Variants in LRFN2 observed in about 807,000 individuals in gnomAD.
The protein encoded by LRFN2 is leucine rich repeat and fibronectin type III domain containing 2.
Under a neutral mutation model 37.3 loss-of-function variants are expected in LRFN2, and 18 were observed. The observed-to-expected ratio is 0.48, with a 90% CI of 0.33 to 0.72. LRFN2 has a LOEUF of 0.72. Ranked by LOEUF, LRFN2 falls within the 30% of genes least tolerant of loss-of-function variation. The pLI, the probability that LRFN2 is intolerant of heterozygous loss-of-function variation, is 0.02. For synonymous variants in LRFN2, 556 were observed against 466.6 expected, an observed-to-expected ratio of 1.19 and a Z score of -2.47; for missense variants, 1,006 against 1,060.7, an observed-to-expected ratio of 0.95 and a Z score of 0.72.
intron 1 of LRFN2, among the ~76,000 whole-genome samples, chr6:40,562,569 T>G (rs1767018634): frequency 6.6e-6 from 1 of 152,076 alleles, no homozygotes; most frequent in South Asian, 2.1e-4. Context: ...GATCCTGCAG[T>G]TCCATCCAGA....
At chr6:40,570,824 T>C (rs1416229464) in intron 1 of LRFN2, among the ~76,000 whole-genome samples, 1 of 152,228 alleles carries the variant, frequency 6.6e-6, no homozygotes, top group Non-Finnish European at 1.5e-5. Flanking sequence ...TCTTTTCTAG[T>C]AAATGTTCAT....
At chr6:40,567,093 G>A (rs1369059426) in intron 1 of LRFN2, among the ~76,000 whole-genome samples, 1 of 152,010 alleles carries the variant, frequency 6.6e-6, no homozygotes, top group Admixed American at 6.5e-5. Flanking sequence ...AAAGAGAGGA[G>A]AAGACACTTG....
In LRFN2 at chr6:40,392,212, G is replaced by A. The variant is rs561379877; in HGVS notation, c.2101C>T (p.Pro701Ser). The A allele has an allele frequency of 3.8e-6, 6 of 1,569,320 alleles. No individual in the cohort carries two copies. The African/African-American group carries it at 4.1e-5, about 11-fold the overall frequency. Residue 701 changes from proline (P) to serine (S), a missense_variant, in exon 3 of 3, where the codon CCC becomes TCC. By Grantham distance (74) the Pro-to-Ser change is moderately conservative. Transcript: ENST00000338305. This position sits in a 1 kb window ranked among gnomAD's most constrained non-coding sequence, Gnocchi z 4.7. ...AGGCTCCTGGCCCGGGCCGCAGGGG[G>A]CCCCAGCAGTGGCTCTCGGTCCGAG... Reference protein sequence around the residue: ...HHSDREPLLGPPAARARSLLP... With the variant: ...HHSDREPLLGSPAARARSLLP...
At chr6:40,486,823 T>A (rs1254417446) in intron 1 of LRFN2, among the ~76,000 whole-genome samples, 1 of 152,162 alleles carries the variant, frequency 6.6e-6, no homozygotes, top group African/African-American at 2.4e-5. Context: ...AAGTGTAAGA[T>A]AATGTATTTA....
chr6:40,394,955 T>A (rs1181405669), intron 2 of LRFN2, among the ~76,000 whole-genome samples: 1 of 3,008 alleles, frequency 3.3e-4, no homozygotes, highest in South Asian at 8.1e-3. Flanking sequence ...TTTCTTTTCC[T>A]TTTTTTTTTT....
At position 40,577,094 on chromosome 6, in the gene LRFN2, T is replaced by TC. The variant is rs1197846301; in HGVS notation, c.-19+9846_-19+9847insG. On this transcript the variant is annotated intron_variant, in intron 1 of 2. Transcript: ENST00000338305. The stretch of plus-strand genomic sequence containing the variant: ...CCAAGGCCCATTTTCTTTTCTTTTC[T>TC]TTTCTTTTCCTTTCTTTTCTTTTTA... Among the ~76,000 whole-genome samples the TC allele has an allele frequency of 7.8e-4, 37 of 47,448 alleles. 2 individuals carry two copies. The highest frequency in any genetic ancestry group is 1.1e-3 in the African/African-American group (11 of 9,860). 31.1% of individuals were successfully genotyped at this position (47,448 alleles called of 152,430 possible).
At chr6:40,518,297 G>T (rs1765942463) in intron 1 of LRFN2, among the ~76,000 whole-genome samples, 1 of 152,144 alleles carries the variant, frequency 6.6e-6, no homozygotes, top group Admixed American at 6.5e-5. Context: ...TCCAGCTGGT[G>T]ACCAATAAAT....
At chr6:40,428,465 G>A (rs1405547364) in intron 2 of LRFN2, among the ~76,000 whole-genome samples, 1 of 152,076 alleles carries the variant, frequency 6.6e-6, no homozygotes, top group Non-Finnish European at 1.5e-5. Flanking sequence ...TGTGCCCACT[G>A]GTGTCCATGC....
intron 2 of LRFN2, among the ~76,000 whole-genome samples, chr6:40,419,546 G>A (rs1006866157): frequency 6.6e-6 from 1 of 152,158 alleles, no homozygotes; most frequent in African/African-American, 2.4e-5. Flanking sequence ...TATGACTAAG[G>A]AAATTCAATA....
At chr6:40,483,965 T>C (rs773295646) in intron 1 of LRFN2, among the ~76,000 whole-genome samples, 2 of 152,218 alleles carry the variant, frequency 1.3e-5, no homozygotes, top group African/African-American at 4.8e-5. Context: ...TAGCCGCCTC[T>C]GTCCCCTCTC....
At chr6:40,512,627 T>C (rs2487373) in intron 1 of LRFN2, among the ~76,000 whole-genome samples, 52,573 of 152,020 alleles carry the variant, frequency 0.35, 9,753 homozygotes, top group East Asian at 0.49. Context: ...TTGGCAGATG[T>C]GTACTCAGCC....
chr6:40,440,102 C>T (rs1013269432), intron 1 of LRFN2, among the ~76,000 whole-genome samples: 2 of 151,624 alleles, frequency 1.3e-5, no homozygotes, highest in Admixed American at 6.6e-5. Context: ...CCGATAAAAA[C>T]AGCAGTCTTT....
At chr6:40,412,207 A>T (rs1002537067) in intron 2 of LRFN2, among the ~76,000 whole-genome samples, 7 of 152,070 alleles carry the variant, frequency 4.6e-5, no homozygotes, top group Non-Finnish European at 8.8e-5. Flanking sequence ...TATCCTAGGG[A>T]GGGGTCCTGA....
At chr6:40,420,932 G>C (rs1763214213) in intron 2 of LRFN2, among the ~76,000 whole-genome samples, 1 of 152,198 alleles carries the variant, frequency 6.6e-6, no homozygotes. Flanking sequence ...TGGGCAATGA[G>C]GCCCACCCCT....
At chr6:40,553,001 A>C (rs781064926) in intron 1 of LRFN2, among the ~76,000 whole-genome samples, 57 of 152,214 alleles carry the variant, frequency 3.7e-4, no homozygotes, top group Non-Finnish European at 7.3e-4. Flanking sequence ...ACACTTTCTG[A>C]AATTTGCACT....
intron 1 of LRFN2, among the ~76,000 whole-genome samples, chr6:40,530,191 C>T (rs1431488558): frequency 1.3e-5 from 2 of 152,190 alleles, no homozygotes; most frequent in Non-Finnish European, 2.9e-5. Context: ...TACAGGCCTG[C>T]TCGGGGAAAC....
chr6:40,453,960 C>T (rs1764178915), intron 1 of LRFN2, among the ~76,000 whole-genome samples: 1 of 152,126 alleles, frequency 6.6e-6, no homozygotes, highest in African/African-American at 2.4e-5. Flanking sequence ...CCCTCCAGTC[C>T]CTGTGTGGTT....
chr6:40,484,754 C>T (rs1254147285), intron 1 of LRFN2, among the ~76,000 whole-genome samples: 9 of 152,318 alleles, frequency 5.9e-5, no homozygotes, highest in East Asian at 1.9e-4. Context: ...CTCAGAGCCA[C>T]GAAATGCAAT....
intron 2 of LRFN2, among the ~76,000 whole-genome samples, chr6:40,411,014 G>T (rs1304101253): frequency 1.3e-5 from 2 of 152,248 alleles, no homozygotes; most frequent in Non-Finnish European, 2.9e-5. Flanking sequence ...GCACACCAGG[G>T]TCCCTGGAGG....
Sources: gnomAD v4.1 joint callset for allele counts (sites outside exome capture counted in the v4.1 genomes callset) on GRCh38, gnomAD v4.1.1 for gene constraint, Gnocchi (gnomAD v3.1) non-coding constraint, MANE v1.5 for transcripts, NCBI Gene and HGNC (gene_info 2026-07-23, HGNC 2026-07-21) for gene names.